MRPS35: variants seen among roughly 807,000 people sequenced by gnomAD.
MRPS35 encodes the protein mitochondrial ribosomal protein S35.
Under a neutral mutation model 32.7 loss-of-function variants are expected in MRPS35, and 29 were observed. The ratio of observed to expected loss-of-function variants is 0.89; its 90% confidence interval spans 0.66 to 1.21. MRPS35 has a LOEUF of 1.21. Among genes scored for constraint, MRPS35 ranks in the 50% most tolerant of loss-of-function variants. The pLI, the probability that MRPS35 is intolerant of heterozygous loss-of-function variation, is 0.00. For synonymous variants in MRPS35, 148 were observed against 139.3 expected (o/e 1.06, Z -0.44); for missense variants, 373 against 383.8 (o/e 0.97, Z 0.23).
chr12:27,710,956 G>C lies in MRPS35; in HGVS notation c.112+1G>C. The C allele has an allele frequency of 6.2e-7, 1 of 1,610,422 alleles. No homozygotes were observed. The highest frequency in any genetic ancestry group is 1.3e-5 in the African/African-American group (1 of 74,998). ...ACTCCGGTCCCGACACCTAGCCTGCGTGAGTGTCTGTCTCGTCTTCTCTGG... is the reference window on the plus strand; with the variant it reads ...ACTCCGGTCCCGACACCTAGCCTGCCTGAGTGTCTGTCTCGTCTTCTCTGG... On this transcript the variant is annotated splice_donor_variant, in intron 1 of 7. Coordinates refer to ENST00000081029, the MANE Select transcript of MRPS35 (RefSeq NM_021821.4). LOFTEE classifies it high-confidence loss of function.
rs372007852 is a variant in MRPS35, at chr12:27,716,326, C to T, written c.189C>T (p.Asp63=). The T allele has an allele frequency of 1.6e-5, 26 of 1,612,986 alleles. No individual in the cohort carries two copies. Among genetic ancestry groups the T allele is most frequent in the Non-Finnish European group, 2.1e-5 (25 of 1,179,588 alleles). Residue 63 remains aspartate (D), a synonymous_variant, in exon 3 of 8, where the codon GAC becomes GAT. Transcript: ENST00000081029. ...CTAGGACAGAGAAAATGGCTGTTGA[C>T]CAGGACTGGCCTAGTGTTTACCCAG... The part of the protein sequence containing the change: ...LPPRTEKMAV[D]QDWPSVYPVA...
chr12:27,725,259 A>G (rs2061895192), intron 5 of MRPS35, among the ~76,000 whole-genome samples: 2 of 152,130 alleles, frequency 1.3e-5, no homozygotes, highest in African/African-American at 4.8e-5. Context: ...TAAATGAGAG[A>G]TTGTTATGTA....
At chr12:27,743,625 G>A (rs137874527) in intron 7 of MRPS35, among the ~76,000 whole-genome samples, 118 of 152,306 alleles carry the variant, frequency 7.7e-4, no homozygotes, top group African/African-American at 2.5e-3. Flanking sequence ...GGAAACCATC[G>A]TCTCCAACTG....
chr12:27,725,576 G>T, intron 5 of MRPS35: 1 of 257,354 alleles, frequency 3.9e-6, no homozygotes. Context: ...AATTCCTGCA[G>T]GAAATGTAAA....
chr12:27,717,631 A>C (rs2061856161), intron 3 of MRPS35, among the ~76,000 whole-genome samples: 1 of 152,214 alleles, frequency 6.6e-6, no homozygotes, highest in Non-Finnish European at 1.5e-5. Context: ...AAATTTGGAA[A>C]TGGGAATGTG....
intron 7 of MRPS35, 87 bp downstream of exon 7, chr12:27,737,695 A>G (rs963852731): frequency 1.6e-5 from 17 of 1,068,354 alleles, no homozygotes; most frequent in Non-Finnish European, 2.3e-5. Context: ...CAAGTACTCA[A>G]CTGAGTATTT....
At chr12:27,717,532 A>G (rs1166117553) in intron 3 of MRPS35, among the ~76,000 whole-genome samples, 1 of 152,242 alleles carries the variant, frequency 6.6e-6, no homozygotes, top group Non-Finnish European at 1.5e-5. Flanking sequence ...GTTTTCCATT[A>G]GATGAGAGTC....
chr12:27,745,266 T>C (rs1016404929), intron 7 of MRPS35, among the ~76,000 whole-genome samples: 3 of 152,260 alleles, frequency 2.0e-5, no homozygotes, highest in African/African-American at 7.2e-5. Context: ...TTTCATTTTA[T>C]ACACTGAGAA....
intron 6 of MRPS35, among the ~76,000 whole-genome samples, 192 bp downstream of exon 6, chr12:27,735,748 C>T (rs541128327): frequency 3.3e-5 from 5 of 152,244 alleles, no homozygotes; most frequent in East Asian, 1.9e-4. Context: ...CTTTATGCAG[C>T]GGCATGCTTA....
intron 7 of MRPS35, among the ~76,000 whole-genome samples, chr12:27,752,413 C>T (rs1389141164): frequency 6.6e-6 from 1 of 152,150 alleles, no homozygotes; most frequent in Non-Finnish European, 1.5e-5. Context: ...TGATTAATTC[C>T]TCTGCGTAAG....
intron 7 of MRPS35, among the ~76,000 whole-genome samples, chr12:27,743,684 A>T (rs2061972170): frequency 1.3e-5 from 2 of 152,226 alleles, no homozygotes; most frequent in Non-Finnish European, 2.9e-5. Context: ...ATATCACAAA[A>T]GTGTTAAGGT....
At chr12:27,732,498 A>G (rs555088211) in intron 5 of MRPS35, among the ~76,000 whole-genome samples, 10 of 152,226 alleles carry the variant, frequency 6.6e-5, no homozygotes, top group African/African-American at 2.4e-4. Context: ...GTTGAGGCTC[A>G]GTGGTGGTGT....
intron 1 of MRPS35, among the ~76,000 whole-genome samples, chr12:27,713,573 A>AAG (rs1289747894): frequency 6.6e-6 from 1 of 151,454 alleles, no homozygotes; most frequent in Non-Finnish European, 1.5e-5. Flanking sequence ...CCAGGTCCAG[A>AAG]AGAGAGAGAG....
intron 7 of MRPS35, among the ~76,000 whole-genome samples, chr12:27,752,133 G>C (rs1034240648): frequency 6.6e-6 from 1 of 151,964 alleles, no homozygotes; most frequent in African/African-American, 2.4e-5. Flanking sequence ...CTTAGTCATA[G>C]TCCAGCTAAT....
chr12:27,733,038 A>ATCTATC (rs1565468137), intron 5 of MRPS35, among the ~76,000 whole-genome samples: 3 of 76,122 alleles, frequency 3.9e-5, no homozygotes, highest in Admixed American at 1.5e-4. Flanking sequence ...ATATATATAT[A>ATCTATC]TATCCAGCAC....
At chr12:27,738,654 A>T (rs996706029) in intron 7 of MRPS35, among the ~76,000 whole-genome samples, 17 of 152,190 alleles carry the variant, frequency 1.1e-4, no homozygotes, top group African/African-American at 3.6e-4. Flanking sequence ...CTTACCCAAC[A>T]CAGGGGACTC....
intron 1 of MRPS35, among the ~76,000 whole-genome samples, chr12:27,711,733 G>A (rs1023885885): frequency 2.0e-5 from 3 of 151,344 alleles, no homozygotes; most frequent in Non-Finnish European, 2.9e-5. Flanking sequence ...TCTCAAAACA[G>A]CCAAATGAGG....
intron 1 of MRPS35, among the ~76,000 whole-genome samples, chr12:27,712,387 G>A (rs2061830989): frequency 6.6e-6 from 1 of 152,182 alleles, no homozygotes; most frequent in African/African-American, 2.4e-5. Context: ...ATATTGAAAG[G>A]CTTGGAACAG....
intron 3 of MRPS35, 38 bp from the exon 4 acceptor site, chr12:27,719,770 C>T: frequency 1.6e-6 from 2 of 1,270,278 alleles, no homozygotes. Flanking sequence ...GTTTTTAAGA[C>T]ATTTAGCTAA....
Sources: gnomAD v4.1 joint callset for allele counts (sites outside exome capture counted in the v4.1 genomes callset) on GRCh38, gnomAD v4.1.1 for gene constraint, MANE v1.5 for transcripts, NCBI Gene and HGNC (gene_info 2026-07-23, HGNC 2026-07-21) for gene names.